Variants in BRD7 observed in about 807,000 individuals in gnomAD.
The protein encoded by BRD7 is bromodomain containing 7, also known as bromodomain-containing protein 7.
BRD7 carries 15 observed loss-of-function variants against 82.1 expected under a neutral mutation model. The observed-to-expected ratio is 0.18, with a 90% CI of 0.12 to 0.28. The LOEUF (loss-of-function observed/expected upper bound fraction) is 0.28. BRD7 is among the 10% of genes least tolerant of loss of function. BRD7 has a pLI of 1.00. For synonymous variants in BRD7, 232 were observed against 266.9 expected, an observed-to-expected ratio of 0.87 and a Z score of 1.27; for missense variants, 638 against 779.9, an observed-to-expected ratio of 0.82 and a Z score of 2.17.
At chr16:50,355,041 T>A in intron 2 of BRD7, 119 bp from the exon 3 acceptor site, 1 of 1,239,796 alleles carries the variant, frequency 8.1e-7, no homozygotes, top group Non-Finnish European at 1.1e-6. Flanking sequence ...AATAACAAGC[T>A]CAATGTACTT....
In BRD7 at chr16:50,325,022, C is replaced by G. The variant is rs990405580; in HGVS notation, c.1331+726G>C. 2.6e-5 allele frequency among the ~76,000 whole-genome samples: 4 copies of G among 152,218 alleles called. 1 individual carries two copies. Among genetic ancestry groups the G allele is most frequent in the Admixed American group, 2.6e-4 (4 of 15,284 alleles). ...ACAGATTCCCTCTTTGTGAGAAAAG[C>G]AGGGGACTGGTGAATCTACAGGGTT... On this transcript the variant is annotated intron_variant, in intron 11 of 16. Coordinates refer to ENST00000394688, the MANE Select transcript of BRD7 (RefSeq NM_013263.5).
chr16:50,355,842 G>T (rs2038709955), intron 2 of BRD7, among the ~76,000 whole-genome samples: 2 of 152,128 alleles, frequency 1.3e-5, no homozygotes, highest in South Asian at 4.1e-4. Flanking sequence ...ATATTAAGTT[G>T]ATAAATTTTG....
Position 50,321,995 on chromosome 16 carries a change from G to A in BRD7, c.1487C>T (p.Ala496Val). 6.2e-7 allele frequency: 1 copy of A among 1,610,054 alleles called. No individual in the cohort carries two copies. Among genetic ancestry groups the A allele is most frequent in the African/African-American group, 1.3e-5 (1 of 74,738 alleles). ...DEGHTRTLDTAKEMEITEVEP... is the reference protein window; with the variant it reads ...DEGHTRTLDTVKEMEITEVEP... ...AAATAAAATCACCTCCATTTCTTTT[G>A]CTGTGTCAAGTGTCCTAGTATGGCC... The change falls in exon 13 of 17, where the codon GCA becomes GTA. Residue 496 changes from alanine (A) to valine (V), a missense_variant. Ala to Val is a moderately conservative substitution (Grantham distance 64, BLOSUM62 0). This residue lies in a region of BRD7 where 402 missense variants were observed against 500.8 expected (regional missense o/e 0.80). Coordinates refer to ENST00000394688, the MANE Select transcript of BRD7 (RefSeq NM_013263.5).
chr16:50,320,466 C>T (rs926893443), intron 14 of BRD7, 75 bp from the exon 15 acceptor site: 9 of 1,560,068 alleles, frequency 5.8e-6, no homozygotes, highest in Non-Finnish European at 6.9e-6. Context: ...TAGGGCTTTG[C>T]TAATTATTGG....
intron 12 of BRD7, among the ~76,000 whole-genome samples, chr16:50,322,809 T>C (rs1220731375): frequency 2.6e-5 from 4 of 152,266 alleles, no homozygotes; most frequent in African/African-American, 9.6e-5. Context: ...TAAATTGATG[T>C]AAAATTTCAT....
intron 2 of BRD7, among the ~76,000 whole-genome samples, chr16:50,360,343 G>A (rs2038891849): frequency 6.6e-6 from 1 of 152,164 alleles, no homozygotes; most frequent in African/African-American, 2.4e-5. Flanking sequence ...ACTTTCGGAG[G>A]ATATATACAC....
chr16:50,343,054 T>C (rs1003748284), intron 5 of BRD7, among the ~76,000 whole-genome samples: 10 of 152,214 alleles, frequency 6.6e-5, no homozygotes, highest in African/African-American at 2.2e-4. Context: ...TCAACAAATA[T>C]AGCCAAAATG....
At chr16:50,344,908 T>C (rs2151178868) in intron 5 of BRD7, among the ~76,000 whole-genome samples, 1 of 152,154 alleles carries the variant, frequency 6.6e-6, no homozygotes, top group Non-Finnish European at 1.5e-5. Flanking sequence ...ATTCAGGAAA[T>C]ACAGAGAATG....
At chr16:50,331,995 G>A (rs1291139027) in intron 8 of BRD7, among the ~76,000 whole-genome samples, 2 of 152,102 alleles carry the variant, frequency 1.3e-5, no homozygotes, top group Non-Finnish European at 2.9e-5. Flanking sequence ...AACTCCAAAT[G>A]GATTAAACAC....
intron 2 of BRD7, 58 bp downstream of exon 2, chr16:50,368,032 T>A (rs565351517): frequency 2.1e-5 from 33 of 1,547,016 alleles, no homozygotes; most frequent in Non-Finnish European, 2.7e-5. Context: ...TAAAATGAGG[T>A]TGGCACCTGG....
chr16:50,333,515 A>G (rs2037658114), intron 8 of BRD7, 59 bp downstream of exon 8: 4 of 1,585,934 alleles, frequency 2.5e-6, no homozygotes, highest in South Asian at 2.3e-5. Context: ...TTTAAAAACT[A>G]AAAGTTTCAG....
intron 11 of BRD7, 115 bp downstream of exon 11, chr16:50,325,633 T>C (rs2037303714): frequency 1.0e-6 from 1 of 985,656 alleles, no homozygotes; most frequent in African/African-American, 1.7e-5. Context: ...TAAAAAAAAA[T>C]TACTGAGCAC....
rs138025982 is a variant in BRD7 at position 50,363,660 on chromosome 16, T to TGTGCGC, written c.258+4429_258+4430insGCGCAC. Among the ~76,000 whole-genome samples the TGTGCGC allele has an allele frequency of 2.5e-3, 258 of 102,498 alleles. 2 individuals are homozygous for TGTGCGC. The highest frequency in any genetic ancestry group is 6.4e-3 in the Middle Eastern group (1 of 156). 67.2% of individuals were successfully genotyped at this position (102,498 alleles called of 152,430 possible). A position where few individuals can be genotyped will look rare whatever the true frequency, so the allele number is the denominator to read the frequency against. On this transcript the variant is annotated intron_variant, in intron 2 of 16. Coordinates refer to ENST00000394688, the MANE Select transcript of BRD7 (RefSeq NM_013263.5). ...GTGTGTTTGTGTGTGTGTGTGTGTG[T>TGTGCGC]GCGCGCGCGCGCGTGCGCGTGTGCT...
rs2151135601 is a variant in BRD7, at chr16:50,323,570, A to G, written c.1443+17T>C. On this transcript the variant is annotated intron_variant, in intron 12 of 16. Transcript: ENST00000394688. ...GTCGATAATAAATTACCCTGTTTTC[A>G]TTAGCAGTGTTCTTACCATCTCCAT... 6.5e-7 allele frequency: 1 copy of G among 1,530,914 alleles called. No homozygotes were observed. The highest frequency in any genetic ancestry group is 9.0e-7 in the Non-Finnish European group (1 of 1,105,084). 94.8% of individuals were successfully genotyped at this position (1,530,914 alleles called of 1,614,324 possible).
intron 10 of BRD7, 116 bp from the exon 11 acceptor site, chr16:50,325,999 C>T (rs1194807005): frequency 8.2e-6 from 9 of 1,092,836 alleles, no homozygotes; most frequent in Non-Finnish European, 7.7e-6. Context: ...GGCTGGTTTG[C>T]AAATCTAAGA....
At chr16:50,322,293 T>G (rs1051642040) in intron 12 of BRD7, among the ~76,000 whole-genome samples, 3 of 152,226 alleles carry the variant, frequency 2.0e-5, no homozygotes, top group African/African-American at 7.2e-5. Context: ...AAGAAGGTAT[T>G]TGGTAAATAA....
chr16:50,333,463 G>T, intron 8 of BRD7, 111 bp downstream of exon 8: 1 of 1,357,490 alleles, frequency 7.4e-7, no homozygotes, highest in South Asian at 1.4e-5. Context: ...TTATACTGAT[G>T]AAGAGCTCTA....
intron 11 of BRD7, among the ~76,000 whole-genome samples, chr16:50,324,909 A>G (rs1045491253): frequency 9.9e-5 from 15 of 152,232 alleles, no homozygotes; most frequent in African/African-American, 3.6e-4. Context: ...AAATGGCTTG[A>G]TCTGAAACCA....
chr16:50,342,022 T>A (rs966926005), intron 5 of BRD7, among the ~76,000 whole-genome samples: 1 of 151,868 alleles, frequency 6.6e-6, no homozygotes, highest in Non-Finnish European at 1.5e-5. Context: ...GCCGTTGAGC[T>A]TTCCCTAGAA....
Sources: allele counts gnomAD v4.1 joint callset (sites outside exome capture counted in the v4.1 genomes callset), GRCh38; gene constraint gnomAD v4.1.1; regional missense constraint gnomAD v4.1.1; transcripts MANE v1.5; gene names NCBI Gene and HGNC (gene_info 2026-07-23, HGNC 2026-07-21).